VDR: variants seen among roughly 807,000 people sequenced by gnomAD.
VDR encodes the protein vitamin D receptor, also known as vitamin D3 receptor.
In VDR, 19 loss-of-function variants were observed where a neutral mutation model predicts 39.7. The ratio of observed to expected loss-of-function variants is 0.48; its 90% CI spans 0.33 to 0.70. The LOEUF is 0.70. Ranked by LOEUF, VDR falls within the 30% of genes least tolerant of loss-of-function variation. VDR has a pLI of 0.02. For missense variants in VDR, 442 were observed against 570.5 expected (o/e 0.77, Z 2.29); for synonymous variants, 242 against 215.8 (o/e 1.12, Z -1.07).
At chr12:47,860,897 C>T (rs1945614049) in intron 4 of VDR, among the ~76,000 whole-genome samples, 1 of 152,230 alleles carries the variant, frequency 6.6e-6, no homozygotes, top group Non-Finnish European at 1.5e-5. Flanking sequence ...CTGGATGGCA[C>T]ATAAAGAGTT....
intron 1 of VDR, among the ~76,000 whole-genome samples, chr12:47,885,582 T>A (rs1324392624): frequency 1.3e-5 from 2 of 152,262 alleles, no homozygotes; most frequent in African/African-American, 4.8e-5. Flanking sequence ...CTAAGGGTGG[T>A]AAAGCTGTGA....
At chr12:47,853,646 T>A (rs1430362341) in intron 7 of VDR, among the ~76,000 whole-genome samples, 1 of 152,102 alleles carries the variant, frequency 6.6e-6, no homozygotes, top group African/African-American at 2.4e-5. Context: ...TTTCTGCTAC[T>A]CAGGAGGCTG....
rs377685672 is a variant in VDR at position 47,878,949 on chromosome 12, G to T, written c.146+19C>A. ...TCTCCCTCCCTTTCCACTGGGGAGA[G>T]CCTGGGAGGAGGGCTCACCTGAAGA... On this transcript the variant is annotated intron_variant, in intron 3 of 9. Transcript: ENST00000549336. The T allele has an allele frequency of 6.2e-7, 1 of 1,614,166 alleles. No homozygotes were observed. Among genetic ancestry groups the T allele is most frequent in the Middle Eastern group, 1.6e-4 (1 of 6,062 alleles).
intron 1 of VDR, among the ~76,000 whole-genome samples, chr12:47,894,258 G>T (rs1592152297): frequency 6.6e-6 from 1 of 152,234 alleles, no homozygotes; most frequent in Non-Finnish European, 1.5e-5. Context: ...CCCCCCAGCT[G>T]CCCTGAGCCA....
chr12:47,859,906 CTTCCTTCCTTCTTTCTTTTTCT>C (rs1565615272), intron 4 of VDR, among the ~76,000 whole-genome samples: 753 of 42,178 alleles, frequency 0.018, 26 homozygotes, highest in African/African-American at 0.042. Context: ...TCCTTCCTTC[CTTCCTTCCTTCTTTCTTTTTCT>C]TTCTTTCTTT....
chr12:47,855,056 G>A (rs1592104524), intron 7 of VDR, among the ~76,000 whole-genome samples: 1 of 152,306 alleles, frequency 6.6e-6, no homozygotes, highest in South Asian at 2.1e-4. Context: ...AGGGCAGGGC[G>A]CGATGGCTCA....
chr12:47,867,561 A>G (rs891182410), intron 3 of VDR, among the ~76,000 whole-genome samples: 1 of 152,202 alleles, frequency 6.6e-6, no homozygotes, highest in African/African-American at 2.4e-5. Flanking sequence ...GAGGCTTTTC[A>G]TCATCCATGT....
At chr12:47,884,248 T>TA (rs1946214186) in intron 1 of VDR, among the ~76,000 whole-genome samples, 1 of 152,084 alleles carries the variant, frequency 6.6e-6, no homozygotes, top group South Asian at 2.1e-4. Context: ...CCCTGGAACT[T>TA]AAAAAAAATG....
chr12:47,894,068 G>A (rs1440484122), intron 1 of VDR, among the ~76,000 whole-genome samples: 1 of 152,194 alleles, frequency 6.6e-6, no homozygotes, highest in African/African-American at 2.4e-5. Flanking sequence ...CCCTTCCCCA[G>A]CCCTACCCAT....
chr12:47,863,001 G>A (rs1945656021), intron 4 of VDR, among the ~76,000 whole-genome samples: 1 of 152,230 alleles, frequency 6.6e-6, no homozygotes, highest in Non-Finnish European at 1.5e-5. Context: ...TGGGCATACA[G>A]CAGGATGGGG....
intron 1 of VDR, chr12:47,899,879 A>G: frequency 5.1e-6 from 5 of 981,992 alleles, no homozygotes; most frequent in Non-Finnish European, 6.0e-6. Flanking sequence ...AAGCAAAGCA[A>G]TGTGCACGGG....
intron 4 of VDR, among the ~76,000 whole-genome samples, chr12:47,858,114 G>T (rs940118757): frequency 1.2e-4 from 18 of 152,142 alleles, no homozygotes; most frequent in Admixed American, 5.9e-4. Context: ...GCAGGTGGGG[G>T]AAGTAATAAT....
At chr12:47,899,641 G>A (rs1326489340) in intron 1 of VDR, among the ~76,000 whole-genome samples, 1 of 152,176 alleles carries the variant, frequency 6.6e-6, no homozygotes, top group Non-Finnish European at 1.5e-5. Context: ...CAGGGGGTGG[G>A]GCAGGCTGAG....
chr12:47,898,297 A>T (rs1421950453), intron 1 of VDR: 1 of 152,238 alleles, frequency 6.6e-6, no homozygotes, highest in Non-Finnish European at 1.5e-5. Flanking sequence ...TATTATAGCT[A>T]ATCATTATAA....
At position 47,878,952 on chromosome 12, in the gene VDR, T is replaced by C. The variant is rs1451271343; in HGVS notation, c.146+16A>G. The stretch of plus-strand genomic sequence containing the variant: ...CCCTCCCTTTCCACTGGGGAGAGCC[T>C]GGGAGGAGGGCTCACCTGAAGAAGC... On this transcript the variant is annotated intron_variant, in intron 3 of 9. Transcript: ENST00000549336. The C allele has an allele frequency of 6.2e-7, 1 of 1,614,002 alleles. No homozygotes were observed. Among genetic ancestry groups the C allele is most frequent in the African/African-American group, 1.3e-5 (1 of 74,902 alleles).
chr12:47,850,789 T>C (rs1349294422), intron 7 of VDR, among the ~76,000 whole-genome samples: 3 of 151,452 alleles, frequency 2.0e-5, no homozygotes, highest in Admixed American at 6.6e-5. Flanking sequence ...TGCAGCCGCT[T>C]CTGGGCACCC....
chr12:47,846,074 G>A (rs1407105595), intron 9 of VDR, among the ~76,000 whole-genome samples: 2 of 152,222 alleles, frequency 1.3e-5, no homozygotes, highest in East Asian at 1.9e-4. Flanking sequence ...TGTGGCCCCA[G>A]GAACCCTGCT....
chr12:47,855,512 G>A (rs1565612193), intron 7 of VDR, 118 bp downstream of exon 7: 3 of 1,234,570 alleles, frequency 2.4e-6, no homozygotes, highest in Admixed American at 2.2e-5. Context: ...AGAGCAAGAT[G>A]CCGTTTAAAA....
chr12:47,871,931 CAT>C (rs1007088710), intron 3 of VDR, among the ~76,000 whole-genome samples: 21 of 152,376 alleles, frequency 1.4e-4, no homozygotes, highest in African/African-American at 4.3e-4. Flanking sequence ...CACACACACA[CAT>C]ATGCACTTTT....
Sources: gnomAD v4.1 joint callset for allele counts (sites outside exome capture counted in the v4.1 genomes callset) on GRCh38, gnomAD v4.1.1 for gene constraint, MANE v1.5 for transcripts, NCBI Gene and HGNC (gene_info 2026-07-23, HGNC 2026-07-21) for gene names.